Variants in DSE observed in about 807,000 individuals in gnomAD.
DSE encodes the protein dermatan sulfate epimerase.
In DSE, 36 loss-of-function variants were observed where a neutral mutation model predicts 84.4. The observed-to-expected ratio is 0.43, with a 90% CI of 0.33 to 0.56. The LOEUF is 0.56. DSE is among the 20% of genes least tolerant of loss of function. DSE has a pLI of 0.06. For synonymous variants in DSE, 410 were observed against 430.1 expected, an observed-to-expected ratio of 0.95 and a Z score of 0.58; for missense variants, 862 against 1,169.6, an observed-to-expected ratio of 0.74 and a Z score of 3.84.
chr6:116,289,955 T>C (rs1774176244), intron 2 of DSE, among the ~76,000 whole-genome samples: 1 of 152,130 alleles, frequency 6.6e-6, no homozygotes, highest in African/African-American at 2.4e-5. Flanking sequence ...AATATTTATA[T>C]TTATTGAATA....
rs1490859750 is a variant in DSE at position 116,441,636 on chromosome 6, T to A, written c.*4291T>A. 1.3e-5 allele frequency: 2 copies of A among 152,202 alleles called. No individual in the cohort carries two copies. Among genetic ancestry groups the A allele is most frequent in the African/African-American group, 2.4e-5 (1 of 41,462 alleles). 9.4% of individuals were successfully genotyped at this position (152,202 alleles called of 1,614,324 possible). A position where few individuals can be genotyped will look rare whatever the true frequency, so the allele number is the denominator to read the frequency against. On this transcript the variant is annotated 3_prime_UTR_variant, in exon 6 of 6. Coordinates refer to ENST00000644252, the MANE Select transcript of DSE (RefSeq NM_013352.4). Reference sequence around the variant, plus strand: ...GGGAAGAGGAGGCCATAATTTTAAATGTGGTGATCAGGTTAGGCTTTATTG... The same window carrying A: ...GGGAAGAGGAGGCCATAATTTTAAAAGTGGTGATCAGGTTAGGCTTTATTG...
intron 2 of DSE, among the ~76,000 whole-genome samples, chr6:116,423,596 A>T (rs1355162739): frequency 2.0e-5 from 3 of 152,190 alleles, no homozygotes; most frequent in Admixed American, 2.0e-4. Context: ...CTGTTTTTTT[A>T]AAAAATAATT....
chr6:116,279,609 G>A, intron 2 of DSE: 1 of 1,602,430 alleles, frequency 6.2e-7, no homozygotes, highest in Non-Finnish European at 8.5e-7. Flanking sequence ...CACGGCCCGC[G>A]GCATCCTGGG....
intron 2 of DSE, among the ~76,000 whole-genome samples, chr6:116,408,102 C>T (rs1413223183): frequency 4.6e-5 from 7 of 152,206 alleles, no homozygotes; most frequent in Non-Finnish European, 8.8e-5. Context: ...TCATCCAACC[C>T]AATTCCTATA....
chr6:116,436,473 A>G lies in DSE; in HGVS notation c.2005A>G (p.Ile669Val), dbSNP rs145999978. 1.0e-4 allele frequency: 169 copies of G among 1,614,180 alleles called. 1 individual carries two copies. Among genetic ancestry groups the G allele is most frequent in the South Asian group, 7.0e-4 (64 of 91,088 alleles). The change falls in exon 6 of 6, where the codon ATA becomes GTA. Residue 669 changes from isoleucine (I) to valine (V), a missense_variant. Transcript: ENST00000644252. ...AGCTTACCTCTTCATAGGGCCATCT[A>G]TAGATGTTCAGAGCTTCACTGTCCA... ...RAAYLFIGPSIDVQSFTVHGD... is the reference protein window; with the variant it reads ...RAAYLFIGPSVDVQSFTVHGD...
intron 2 of DSE, among the ~76,000 whole-genome samples, chr6:116,317,405 T>TA (rs756578743): frequency 1.2e-4 from 18 of 152,250 alleles, no homozygotes; most frequent in Non-Finnish European, 2.2e-4. Context: ...TCCGGGAAGT[T>TA]ACTCTTGGAT....
At chr6:116,370,755 G>A (rs1373486576), upstream of DSE, 13 of 910,406 alleles carry the variant, frequency 1.4e-5, no homozygotes, top group African/African-American at 1.8e-5. Context: ...AGGAGCGGGA[G>A]AAAGCGGGGC....
intron 2 of DSE, among the ~76,000 whole-genome samples, chr6:116,357,941 T>G (rs1339024501): frequency 6.6e-6 from 1 of 152,234 alleles, no homozygotes; most frequent in African/African-American, 2.4e-5. Context: ...AGTATAGAAT[T>G]TATAGGGAGT....
At chr6:116,280,099 GA>G (rs1421193428) in intron 2 of DSE, 10 of 547,224 alleles carry the variant, frequency 1.8e-5, no homozygotes, top group Non-Finnish European at 3.1e-5. Context: ...AATAAATGTC[GA>G]TTGTGCTGAG....
chr6:116,376,712 T>C (rs947881693), intron 1 of DSE, among the ~76,000 whole-genome samples: 4 of 152,230 alleles, frequency 2.6e-5, no homozygotes, highest in Admixed American at 1.3e-4. Flanking sequence ...TTCAGTAATA[T>C]GTAGAAGCTA....
intron 2 of DSE, among the ~76,000 whole-genome samples, chr6:116,409,522 G>GC (rs1782173834): frequency 6.6e-6 from 1 of 152,040 alleles, no homozygotes; most frequent in South Asian, 2.1e-4. Context: ...CTCATGATCC[G>GC]CCCACCTTGG....
chr6:116,303,847 C>G (rs1775181841), intron 2 of DSE, among the ~76,000 whole-genome samples: 1 of 152,026 alleles, frequency 6.6e-6, no homozygotes, highest in Non-Finnish European at 1.5e-5. Flanking sequence ...CAATAAGAAA[C>G]AGTGGGGGCC....
At chr6:116,279,887 T>A in intron 2 of DSE, 1 of 1,611,634 alleles carries the variant, frequency 6.2e-7, no homozygotes, top group Admixed American at 1.7e-5. Context: ...GAGGCCGAAC[T>A]GGGAGCTAAC....
chr6:116,426,364 T>C (rs1474022052), intron 2 of DSE, among the ~76,000 whole-genome samples: 1 of 152,208 alleles, frequency 6.6e-6, no homozygotes, highest in Non-Finnish European at 1.5e-5. Context: ...GCCAGAATCC[T>C]GAGAGAGAAA....
In DSE at chr6:116,321,731, G is replaced by A. The variant is rs1425799613; in HGVS notation, c.-54+62764G>A. Among the ~76,000 whole-genome samples, 6 of 152,164 alleles carry A rather than the reference G, an allele frequency of 3.9e-5. No homozygotes were observed. In the South Asian group the frequency reaches 6.2e-4, roughly 16 times the overall value. On this transcript the variant is annotated intron_variant, in intron 2 of 3. Coordinates refer to the DSE transcript ENST00000430252. ...GGAAGTTGCAGTGAGCCGAGATCGC[G>A]CCACCGCACTCCAGCCCGGGTGGAC...
chr6:116,331,063 G>A (rs1776904568), intron 2 of DSE, among the ~76,000 whole-genome samples: 1 of 152,182 alleles, frequency 6.6e-6, no homozygotes, highest in Non-Finnish European at 1.5e-5. Context: ...GTTGGTTAAA[G>A]TAAGCATCTA....
At chr6:116,332,724 A>G (rs993204983) in intron 2 of DSE, among the ~76,000 whole-genome samples, 1 of 152,210 alleles carries the variant, frequency 6.6e-6, no homozygotes, top group African/African-American at 2.4e-5. Context: ...TAAGAGCCTC[A>G]GTTTATGAAA....
At chr6:116,361,308 C>T (rs1042382126) in intron 2 of DSE, among the ~76,000 whole-genome samples, 3 of 152,126 alleles carry the variant, frequency 2.0e-5, no homozygotes, top group African/African-American at 7.2e-5. Flanking sequence ...ATCTGCCTGC[C>T]TCAGCCTCCC....
intron 2 of DSE, among the ~76,000 whole-genome samples, chr6:116,281,347 T>C (rs1773518071): frequency 6.6e-6 from 1 of 152,184 alleles, no homozygotes; most frequent in African/African-American, 2.4e-5. Context: ...ACTCCAGCAC[T>C]ATAAGAAAAT....
Sources: gnomAD v4.1 joint callset for allele counts (sites outside exome capture counted in the v4.1 genomes callset) on GRCh38, gnomAD v4.1.1 for gene constraint, MANE v1.5 for transcripts, NCBI Gene and HGNC (gene_info 2026-07-23, HGNC 2026-07-21) for gene names.